The following ZNF804B variants were observed in gnomAD, a reference collection of about 807,000 sequenced individuals.
The protein encoded by ZNF804B is zinc finger protein 804B, also known as zinc finger 804B.
In ZNF804B, 80 loss-of-function variants were observed where a neutral mutation model predicts 101.4. The observed-to-expected ratio is 0.79, with a 90% CI of 0.66 to 0.95. ZNF804B has a LOEUF of 0.95. Ranked by LOEUF, ZNF804B falls within the 40% of genes least tolerant of loss-of-function variation. The pLI is 0.00. For missense variants in ZNF804B, 1,673 were observed against 1,561.9 expected (o/e 1.07, Z -1.20); for synonymous variants, 622 against 558.8 (o/e 1.11, Z -1.59).
intron 1 of ZNF804B, among the ~76,000 whole-genome samples, chr7:89,195,815 A>T (rs947179732): frequency 6.6e-6 from 1 of 151,922 alleles, no homozygotes; most frequent in African/African-American, 2.4e-5. Context: ...GCTTAAAAAA[A>T]AGAAGAAAAT....
chr7:88,952,015 A>G (rs1294510788), intron 1 of ZNF804B, among the ~76,000 whole-genome samples: 1 of 151,836 alleles, frequency 6.6e-6, no homozygotes, highest in African/African-American at 2.4e-5. Flanking sequence ...GCTTAAGAGA[A>G]TATTCATTTA....
intron 1 of ZNF804B, among the ~76,000 whole-genome samples, chr7:88,991,696 T>C (rs1793849360): frequency 1.3e-5 from 2 of 152,158 alleles, no homozygotes; most frequent in African/African-American, 2.4e-5. Flanking sequence ...GCCACTTCAG[T>C]AAAGCTGTTT....
intron 1 of ZNF804B, among the ~76,000 whole-genome samples, chr7:89,023,246 G>T (rs561307566): frequency 1.3e-5 from 2 of 152,238 alleles, no homozygotes; most frequent in Non-Finnish European, 2.9e-5. Flanking sequence ...CTATAGTGCT[G>T]ACTTTTTCAC....
chr7:88,911,384 C>G (rs1792548248), intron 1 of ZNF804B, among the ~76,000 whole-genome samples: 1 of 150,448 alleles, frequency 6.6e-6, no homozygotes, highest in Admixed American at 6.7e-5. Flanking sequence ...TAGTCATTCT[C>G]TAAGGCCCAG....
In ZNF804B at chr7:89,241,529, A is replaced by G. The variant is rs191477101; in HGVS notation, c.249+23234A>G. On this transcript the variant is annotated intron_variant, in intron 2 of 3. Transcript: ENST00000333190. ...CACTTGAGTTTTGGCAGAATTAAAT[A>G]AATGTGCAGAACCTGATTCATAATA... Among the ~76,000 whole-genome samples the G allele has an allele frequency of 8.3e-4, 127 of 152,260 alleles. 1 individual carries two copies. Among genetic ancestry groups the G allele is most frequent in the Non-Finnish European group, 8.7e-4 (59 of 67,970 alleles).
chr7:88,813,302 A>C (rs992404568), intron 1 of ZNF804B, among the ~76,000 whole-genome samples: 3 of 151,504 alleles, frequency 2.0e-5, no homozygotes, highest in Admixed American at 6.6e-5. Flanking sequence ...TGGCGGGCGC[A>C]TGTAGTCCCA....
intron 1 of ZNF804B, among the ~76,000 whole-genome samples, chr7:89,154,068 C>G (rs1790918526): frequency 1.3e-5 from 2 of 151,968 alleles, no homozygotes; most frequent in Admixed American, 1.3e-4. Flanking sequence ...AAAAAATGGG[C>G]AGAAGTTTTA....
intron 1 of ZNF804B, among the ~76,000 whole-genome samples, chr7:89,156,057 T>C (rs868125082): frequency 0.064 from 5,236 of 82,144 alleles, 191 homozygotes; most frequent in Middle Eastern, 0.12. Flanking sequence ...TCTTTCTTTC[T>C]TTCTTTCTTT....
chr7:89,156,928 G>A (rs990863503), intron 1 of ZNF804B, among the ~76,000 whole-genome samples: 7 of 152,156 alleles, frequency 4.6e-5, no homozygotes, highest in Non-Finnish European at 8.8e-5. Context: ...TTGATAACCA[G>A]TGAGGGAGGA....
intron 1 of ZNF804B, among the ~76,000 whole-genome samples, chr7:88,844,919 A>G (rs1403191498): frequency 6.6e-6 from 1 of 152,200 alleles, no homozygotes; most frequent in Non-Finnish European, 1.5e-5. Context: ...CATCTTTAAA[A>G]TGTGAAACTG....
intron 1 of ZNF804B, among the ~76,000 whole-genome samples, chr7:88,851,411 A>G (rs1459830527): frequency 6.6e-6 from 1 of 152,082 alleles, no homozygotes; most frequent in Non-Finnish European, 1.5e-5. Flanking sequence ...GGAGAGAGGA[A>G]CAAAGACACC....
chr7:89,046,013 G>A (rs1478616193), intron 1 of ZNF804B, among the ~76,000 whole-genome samples: 1 of 152,066 alleles, frequency 6.6e-6, no homozygotes, highest in East Asian at 1.9e-4. Flanking sequence ...CAGGTTTCAT[G>A]GGATGGACCC....
At chr7:88,880,075 G>A (rs920242702) in intron 1 of ZNF804B, among the ~76,000 whole-genome samples, 3 of 152,030 alleles carry the variant, frequency 2.0e-5, no homozygotes, top group Admixed American at 6.6e-5. Flanking sequence ...CTTATCTGGG[G>A]AGAGGAGTAA....
chr7:89,202,338 A>G (rs1788654402), intron 1 of ZNF804B, among the ~76,000 whole-genome samples: 1 of 152,086 alleles, frequency 6.6e-6, no homozygotes, highest in Non-Finnish European at 1.5e-5. Flanking sequence ...TTCAGTGCTG[A>G]ATTTATTATA....
Position 88,883,753 on chromosome 7 carries a change from C to T in ZNF804B, c.108+123669C>T, listed in dbSNP as rs528299329. Among the ~76,000 whole-genome samples the T allele has an allele frequency of 2.6e-5, 4 of 151,862 alleles. No individual in the cohort carries two copies. In the South Asian group the frequency reaches 6.2e-4, roughly 24 times the overall value. ...TATTTTAAAAATCATGAGGCAATTC[C>T]GATTTGTGTGATTCTGGTTCTATAA... On this transcript the variant is annotated intron_variant, in intron 1 of 3. Transcript: ENST00000333190.
At chr7:88,856,756 C>T (rs1791565696) in intron 1 of ZNF804B, among the ~76,000 whole-genome samples, 1 of 151,974 alleles carries the variant, frequency 6.6e-6, no homozygotes, top group African/African-American at 2.4e-5. Flanking sequence ...TCATAGATAG[C>T]TCTTATTATT....
chr7:88,851,622 T>A (rs191669464), intron 1 of ZNF804B, among the ~76,000 whole-genome samples: 1 of 152,020 alleles, frequency 6.6e-6, no homozygotes, highest in Admixed American at 6.6e-5. Flanking sequence ...TTATAAGAAA[T>A]GTTGAAGGAA....
At chr7:89,256,154 T>C (rs1789629037) in intron 2 of ZNF804B, among the ~76,000 whole-genome samples, 1 of 152,192 alleles carries the variant, frequency 6.6e-6, no homozygotes, top group African/African-American at 2.4e-5. Context: ...GTACGTAGAC[T>C]ATAGTAACAC....
intron 1 of ZNF804B, among the ~76,000 whole-genome samples, chr7:88,760,888 T>TATATATAAAATAA (rs1789884464): frequency 9.8e-6 from 1 of 102,222 alleles, no homozygotes; most frequent in African/African-American, 4.3e-5. Context: ...GTAATTTATA[T>TATATATAAAATAA]ATATATATAA....
Sources: allele counts gnomAD v4.1 joint callset (sites outside exome capture counted in the v4.1 genomes callset), GRCh38; gene constraint gnomAD v4.1.1; transcripts MANE v1.5; gene names NCBI Gene and HGNC (gene_info 2026-07-23, HGNC 2026-07-21).